The following PCDHA10 variants were observed in gnomAD, a reference collection of about 807,000 sequenced individuals.
PCDHA10 encodes the protein protocadherin alpha-10.
In PCDHA10, 45 loss-of-function variants were observed where a neutral mutation model predicts 61.2. The observed-to-expected ratio is 0.74, with a 90% CI of 0.58 to 0.94. The LOEUF (loss-of-function observed/expected upper bound fraction) is 0.94, where lower values mean the gene tolerates loss of function less well. PCDHA10 is among the 40% of genes least tolerant of loss of function. The pLI is 0.00. For synonymous variants in PCDHA10, 602 were observed against 548.8 expected, an observed-to-expected ratio of 1.10 and a Z score of -1.35; for missense variants, 1,278 against 1,236.2, an observed-to-expected ratio of 1.03 and a Z score of -0.51.
chr5:140,957,281 T>A (rs1317654133), intron 1 of PCDHA10, among the ~76,000 whole-genome samples: 3 of 152,178 alleles, frequency 2.0e-5, no homozygotes, highest in Non-Finnish European at 2.9e-5. Flanking sequence ...CCCCCTTACC[T>A]GCAGTTTCAC....
chr5:140,856,825 A>C lies in PCDHA10; in HGVS notation c.777A>C (p.Leu259Phe), dbSNP rs782049467. Residue 259 changes from leucine (L) to phenylalanine (F), a missense_variant, in exon 1 of 4, where the codon TTA (leucine) becomes TTC (phenylalanine). By Grantham distance (22) the Leu-to-Phe change is conservative. Coordinates refer to ENST00000307360, the MANE Select transcript of PCDHA10 (RefSeq NM_018901.4). ...KMYENQVNQT[L>F]VIRLNASDSD... is the part of the protein sequence containing the mutation. Reference sequence around the variant, plus strand: ...ATGAAAATCAAGTGAACCAAACATTAGTAATACGGCTCAACGCTTCTGATT... The same window carrying C: ...ATGAAAATCAAGTGAACCAAACATTCGTAATACGGCTCAACGCTTCTGATT... 1 of 1,592,052 alleles carries C rather than the reference A, an allele frequency of 6.3e-7. No individual in the cohort carries two copies. The highest frequency in any genetic ancestry group is 1.7e-5 in the Admixed American group (1 of 59,160).
chr5:140,886,931 G>C (rs1426144437), intron 1 of PCDHA10, among the ~76,000 whole-genome samples: 1 of 151,756 alleles, frequency 6.6e-6, no homozygotes, highest in South Asian at 2.1e-4. Flanking sequence ...CTATGTGCCA[G>C]GCATGTTCTA....
chr5:140,993,454 T>G (rs1343043993), intron 3 of PCDHA10, among the ~76,000 whole-genome samples: 1 of 133,974 alleles, frequency 7.5e-6, no homozygotes, highest in Non-Finnish European at 1.6e-5. Flanking sequence ...GTTCTCCTTC[T>G]TTCTTTCTCA....
At chr5:140,926,190 ACTT>A (rs1468050055) in intron 1 of PCDHA10, among the ~76,000 whole-genome samples, 2 of 151,766 alleles carry the variant, frequency 1.3e-5, no homozygotes, top group South Asian at 2.2e-4. Flanking sequence ...CCCCCGCAGC[ACTT>A]CTTTCGGGGG....
At chr5:140,952,879 G>C (rs1325308016) in intron 1 of PCDHA10, among the ~76,000 whole-genome samples, 1 of 152,094 alleles carries the variant, frequency 6.6e-6, no homozygotes, top group Non-Finnish European at 1.5e-5. Context: ...TTACAATCAT[G>C]GTGGAAGGCA....
In PCDHA10 at chr5:140,867,382, C is replaced by T. The variant is rs1201158672; in HGVS notation, c.2388+8946C>T. ...TTTTACAGATGCGTAATGGAATTAA[C>T]GGTTATAAAAGTTGATATGTCTCCT... On this transcript the variant is annotated intron_variant, in intron 1 of 3. Coordinates refer to ENST00000307360, the MANE Select transcript of PCDHA10 (RefSeq NM_018901.4). The T allele has an allele frequency of 4.6e-5, 7 of 152,006 alleles. No individual in the cohort carries two copies. In the East Asian group the frequency reaches 7.7e-4, roughly 17 times the overall value. 9.4% of individuals were successfully genotyped at this position (152,006 alleles called of 1,614,324 possible).
intron 1 of PCDHA10, among the ~76,000 whole-genome samples, chr5:140,907,524 C>T (rs562373233): frequency 2.6e-5 from 4 of 152,314 alleles, no homozygotes; most frequent in Non-Finnish European, 4.4e-5. Flanking sequence ...GAGGACAAAT[C>T]GCTGCCCTTT....
At chr5:140,870,019 A>C (rs371365026) in intron 1 of PCDHA10, 6 of 1,613,574 alleles carry the variant, frequency 3.7e-6, no homozygotes, top group Non-Finnish European at 5.1e-6. Context: ...GGTCAATGGA[A>C]CTTTAGATTA....
At chr5:140,943,332 A>G (rs2093478817) in intron 1 of PCDHA10, among the ~76,000 whole-genome samples, 1 of 151,830 alleles carries the variant, frequency 6.6e-6, no homozygotes, top group Non-Finnish European at 1.5e-5. Flanking sequence ...TGTAGTATCC[A>G]TTGGACAGGA....
chr5:140,990,296 T>C (rs1231552034), intron 3 of PCDHA10, among the ~76,000 whole-genome samples: 12 of 152,300 alleles, frequency 7.9e-5, no homozygotes, highest in African/African-American at 2.9e-4. Flanking sequence ...ATCGATGCCA[T>C]TGTCTGTAAA....
At chr5:140,967,373 A>C in intron 1 of PCDHA10, 1 of 1,607,416 alleles carries the variant, frequency 6.2e-7, no homozygotes, top group Non-Finnish European at 8.5e-7. Flanking sequence ...CCTGCAGGAG[A>C]ACAGTAAAGT....
intron 1 of PCDHA10, chr5:140,870,947 G>T: frequency 1.2e-6 from 2 of 1,613,700 alleles, no homozygotes; most frequent in Non-Finnish European, 1.7e-6. Context: ...CCGGCGGCGG[G>T]CGGCTCGCGC....
At chr5:140,941,262 T>TTTCTCTTTCC in intron 1 of PCDHA10, among the ~76,000 whole-genome samples, 1 of 138,798 alleles carries the variant, frequency 7.2e-6, no homozygotes, top group Non-Finnish European at 1.6e-5. Context: ...TTTCTCTTTC[T>TTTCTCTTTCC]TTCTTTCTTT....
At chr5:140,945,630 A>C (rs1445072054) in intron 1 of PCDHA10, among the ~76,000 whole-genome samples, 1 of 152,166 alleles carries the variant, frequency 6.6e-6, no homozygotes, top group African/African-American at 2.4e-5. Context: ...CTGGCATAAA[A>C]GACATGTAGA....
At chr5:140,979,169 A>T (rs2096837685) in intron 2 of PCDHA10, 162 bp downstream of exon 2, 1 of 966,312 alleles carries the variant, frequency 1.0e-6, no homozygotes, top group Admixed American at 6.2e-5. Context: ...TCCTTGAAAG[A>T]TCGCAAATGG....
chr5:140,988,418 G>T (rs1372180292), intron 3 of PCDHA10, among the ~76,000 whole-genome samples: 2 of 152,150 alleles, frequency 1.3e-5, no homozygotes, highest in Non-Finnish European at 2.9e-5. Context: ...CTTATGTAAA[G>T]AATTTGTTTG....
chr5:140,941,260 T>TCTTTCTTTCTTC (rs2092990214), intron 1 of PCDHA10, among the ~76,000 whole-genome samples: 2 of 138,280 alleles, frequency 1.4e-5, no homozygotes, highest in Admixed American at 1.5e-4. Flanking sequence ...TCTTTCTCTT[T>TCTTTCTTTCTTC]CTTTCTTTCT....
At chr5:140,936,433 G>A (rs907839925) in intron 1 of PCDHA10, among the ~76,000 whole-genome samples, 4 of 152,126 alleles carry the variant, frequency 2.6e-5, no homozygotes, top group Admixed American at 2.6e-4. Flanking sequence ...ATTAATTTAA[G>A]CTTAAATAAC....
In PCDHA10 at chr5:141,010,336, G is replaced by A. The variant is rs1297379181; in HGVS notation, c.*399G>A. ...AGATTGAGCAGCTTGGGAGTTTGTG[G>A]CCACTGGGTATGTGTGGCTACCGCG... On this transcript the variant is annotated 3_prime_UTR_variant, in exon 4 of 4. Coordinates refer to ENST00000307360, the MANE Select transcript of PCDHA10 (RefSeq NM_018901.4). 25 of 1,535,806 alleles carry A rather than the reference G, an allele frequency of 1.6e-5. No individual in the cohort carries two copies. The highest frequency in any genetic ancestry group is 2.2e-5 in the Non-Finnish European group (25 of 1,141,450).
Sources: allele counts gnomAD v4.1 joint callset (sites outside exome capture counted in the v4.1 genomes callset), GRCh38; gene constraint gnomAD v4.1.1; transcripts MANE v1.5; gene names NCBI Gene and HGNC (gene_info 2026-07-23, HGNC 2026-07-21).